Variants in LHFPL3 observed in about 807,000 individuals in gnomAD.
The protein encoded by LHFPL3 is LHFPL tetraspan subfamily member 3, also known as LHFPL tetraspan subfamily member 3 protein.
LHFPL3 carries 5 observed loss-of-function variants against 19.3 expected under a neutral mutation model. That is an observed-to-expected ratio of 0.26 (90% confidence interval 0.14 to 0.54). LHFPL3 has a LOEUF of 0.54. Among genes scored for constraint, LHFPL3 ranks in the 20% least tolerant of loss-of-function variants. The pLI, the probability that LHFPL3 is intolerant of heterozygous loss-of-function variation, is 0.94. For synonymous variants in LHFPL3, 133 were observed against 126.2 expected (o/e 1.05, Z -0.36); for missense variants, 249 against 307.4 (o/e 0.81, Z 1.42).
chr7:104,676,052 C>A (rs755148950), intron 1 of LHFPL3, among the ~76,000 whole-genome samples: 1 of 152,170 alleles, frequency 6.6e-6, no homozygotes, highest in Non-Finnish European at 1.5e-5. Flanking sequence ...GAGCCTGGGG[C>A]TCTCCAACCT....
rs142148249 is a variant in LHFPL3 at position 104,721,381 on chromosome 7, C to T, written c.446-15294C>T. On this transcript the variant is annotated intron_variant, in intron 1 of 2. Coordinates refer to ENST00000424859, the MANE Select transcript of LHFPL3 (RefSeq NM_199000.3). The stretch of plus-strand genomic sequence containing the variant: ...GGGCAGGGAATATCACACACTGGGG[C>T]CTGTCGGGGAGTGGGGGAGCTAGGG... Among the ~76,000 whole-genome samples, 399 of 152,124 alleles carry T rather than the reference C, an allele frequency of 2.6e-3. 5 individuals are homozygous for T. The highest frequency in any genetic ancestry group is 9.1e-3 in the African/African-American group (377 of 41,498).
intron 2 of LHFPL3, among the ~76,000 whole-genome samples, chr7:104,762,139 A>C (rs1216036947): frequency 6.6e-6 from 1 of 152,170 alleles, no homozygotes; most frequent in Non-Finnish European, 1.5e-5. Context: ...GTGTCTAAAA[A>C]CACTACCTGG....
intron 1 of LHFPL3, among the ~76,000 whole-genome samples, chr7:104,488,164 A>G (rs1793272778): frequency 6.6e-6 from 1 of 152,148 alleles, no homozygotes; most frequent in Non-Finnish European, 1.5e-5. Flanking sequence ...CTTGCCATAG[A>G]GATCTCTGCT....
At chr7:104,712,460 C>T (rs1049345440) in intron 1 of LHFPL3, among the ~76,000 whole-genome samples, 4 of 152,202 alleles carry the variant, frequency 2.6e-5, no homozygotes, top group Non-Finnish European at 1.5e-5. Context: ...AGGGCTCTAT[C>T]CTTATGACCT....
intron 1 of LHFPL3, among the ~76,000 whole-genome samples, chr7:104,585,510 C>T (rs10231269): frequency 0.047 from 7,153 of 151,324 alleles, 222 homozygotes; most frequent in East Asian, 0.11. Context: ...CACACACACA[C>T]ACACACACAC....
chr7:104,823,638 C>T (rs1351507833), intron 2 of LHFPL3, among the ~76,000 whole-genome samples: 2 of 152,114 alleles, frequency 1.3e-5, no homozygotes, highest in Non-Finnish European at 2.9e-5. Context: ...AAGCAAAACT[C>T]AGAAACATTA....
At chr7:104,632,572 T>C (rs773678761) in intron 1 of LHFPL3, among the ~76,000 whole-genome samples, 4 of 152,232 alleles carry the variant, frequency 2.6e-5, no homozygotes, top group Non-Finnish European at 5.9e-5. Flanking sequence ...TCAGTTCTTC[T>C]AGTTTTCCAT....
chr7:104,509,315 T>C (rs532361168), intron 1 of LHFPL3, among the ~76,000 whole-genome samples: 79 of 151,420 alleles, frequency 5.2e-4, no homozygotes, highest in Non-Finnish European at 5.9e-4. Flanking sequence ...ACACTTCTCA[T>C]GAATATCAAC....
chr7:104,359,492 G>T (rs1447342890), intron 1 of LHFPL3, among the ~76,000 whole-genome samples: 2 of 152,184 alleles, frequency 1.3e-5, no homozygotes, highest in East Asian at 3.8e-4. Flanking sequence ...CAATAAATAT[G>T]TAAAAAAACT....
chr7:104,380,443 GAAAAC>G (rs1200738939), intron 1 of LHFPL3, among the ~76,000 whole-genome samples: 2 of 151,998 alleles, frequency 1.3e-5, no homozygotes, highest in South Asian at 4.1e-4. Context: ...GGTATGAATA[GAAAAC>G]AAAACAAAAC....
At chr7:104,883,440 TTTAGCCCACTAGTGCATTGGCA>T (rs1373892691) in intron 2 of LHFPL3, among the ~76,000 whole-genome samples, 1 of 152,176 alleles carries the variant, frequency 6.6e-6, no homozygotes, top group African/African-American at 2.4e-5. Flanking sequence ...TAAGTCTATT[TTTAGCCCACTAGTGCATTGGCA>T]GACAGGCTGT....
intron 1 of LHFPL3, among the ~76,000 whole-genome samples, chr7:104,557,397 G>A (rs1789866319): frequency 6.6e-6 from 1 of 152,208 alleles, no homozygotes. Flanking sequence ...CAAAGAGAGA[G>A]ATTGTGCAAG....
chr7:104,695,753 A>G lies in LHFPL3; in HGVS notation c.446-40922A>G, dbSNP rs117762351. Among the ~76,000 whole-genome samples the G allele has an allele frequency of 2.0e-5, 3 of 152,338 alleles. No individual in the cohort carries two copies. In the East Asian group the frequency reaches 5.8e-4, roughly 29 times the overall value. On this transcript the variant is annotated intron_variant, in intron 1 of 2. Transcript: ENST00000424859. The stretch of plus-strand genomic sequence containing the variant: ...AATACATTTGCTAAATACAGCATGT[A>G]CCTAGCTTAGATAAACAAGGGCAAC...
intron 1 of LHFPL3, among the ~76,000 whole-genome samples, chr7:104,683,364 A>G (rs1240379779): frequency 6.6e-6 from 1 of 152,188 alleles, no homozygotes; most frequent in Non-Finnish European, 1.5e-5. Flanking sequence ...ACTTGCCCAC[A>G]TTGTGTAATG....
intron 1 of LHFPL3, among the ~76,000 whole-genome samples, chr7:104,625,335 C>G (rs78134216): frequency 6.6e-6 from 1 of 152,176 alleles, no homozygotes; most frequent in African/African-American, 2.4e-5. Flanking sequence ...GGTCCTATCA[C>G]AGAAAACAGC....
chr7:104,595,508 T>C (rs1790831372), intron 1 of LHFPL3, among the ~76,000 whole-genome samples: 1 of 152,208 alleles, frequency 6.6e-6, no homozygotes, highest in Non-Finnish European at 1.5e-5. Flanking sequence ...AATTAGGCTA[T>C]ACAGGGGTCA....
intron 1 of LHFPL3, among the ~76,000 whole-genome samples, chr7:104,588,497 C>A (rs1444222940): frequency 1.3e-5 from 2 of 152,194 alleles, no homozygotes; most frequent in African/African-American, 2.4e-5. Context: ...GGTACCAGTA[C>A]CATGCTGTTT....
intron 1 of LHFPL3, among the ~76,000 whole-genome samples, chr7:104,363,349 A>G (rs1448431869): frequency 6.6e-6 from 1 of 152,236 alleles, no homozygotes; most frequent in African/African-American, 2.4e-5. Flanking sequence ...CTCTGTTGGT[A>G]TATTTTAAAA....
intron 1 of LHFPL3, among the ~76,000 whole-genome samples, chr7:104,551,787 G>A (rs867918710): frequency 6.6e-6 from 1 of 152,166 alleles, no homozygotes; most frequent in East Asian, 1.9e-4. Flanking sequence ...TTATGGAAAT[G>A]CTGGATAGTT....
Sources: gnomAD v4.1 joint callset for allele counts (sites outside exome capture counted in the v4.1 genomes callset) on GRCh38, gnomAD v4.1.1 for gene constraint, MANE v1.5 for transcripts, NCBI Gene and HGNC (gene_info 2026-07-23, HGNC 2026-07-21) for gene names.